TIMP2: variants seen among roughly 807,000 people sequenced by gnomAD.
The protein encoded by TIMP2 is metalloproteinase inhibitor 2.
In TIMP2, 5 loss-of-function variants were observed where a neutral mutation model predicts 24.3. That is an observed-to-expected ratio of 0.21 (90% confidence interval 0.11 to 0.43). The LOEUF is 0.43. TIMP2 is among the 20% of genes least tolerant of loss of function. The pLI, the probability that TIMP2 is intolerant of heterozygous loss-of-function variation, is 1.00. For synonymous variants in TIMP2, 130 were observed against 123.2 expected, an observed-to-expected ratio of 1.06 and a Z score of -0.37; for missense variants, 221 against 297.5, an observed-to-expected ratio of 0.74 and a Z score of 1.89.
At chr17:78,864,331 C>T (rs1237939695) in intron 3 of TIMP2, among the ~76,000 whole-genome samples, 4 of 151,278 alleles carry the variant, frequency 2.6e-5, no homozygotes, top group Non-Finnish European at 1.5e-5. Context: ...ACTCCCTTCA[C>T]TCCCTCCCTC....
intron 4 of TIMP2, chr17:78,856,142 T>C: frequency 2.1e-6 from 1 of 485,372 alleles, no homozygotes; most frequent in Non-Finnish European, 3.8e-6. Context: ...CATGACAGAA[T>C]GGCCTCAGCT....
intron 1 of TIMP2, among the ~76,000 whole-genome samples, chr17:78,885,509 C>T (rs1230324505): frequency 6.6e-6 from 1 of 152,202 alleles, no homozygotes; most frequent in Non-Finnish European, 1.5e-5. Flanking sequence ...GAAGGCTGGG[C>T]AAGGGCTGGG....
At chr17:78,895,052 G>C (rs1157882134) in intron 1 of TIMP2, among the ~76,000 whole-genome samples, 1 of 152,124 alleles carries the variant, frequency 6.6e-6, no homozygotes, top group Admixed American at 6.5e-5. Flanking sequence ...AGGCTGAGGC[G>C]GGCGGATCAC....
At chr17:78,918,833 T>C (rs1385544590) in intron 1 of TIMP2, among the ~76,000 whole-genome samples, 1 of 151,960 alleles carries the variant, frequency 6.6e-6, no homozygotes, top group Non-Finnish European at 1.5e-5. Context: ...ACCCCATCTC[T>C]ACAAAAAATT....
In TIMP2 at chr17:78,896,378, G is replaced by A. The variant is rs997063142; in HGVS notation, c.131-22459C>T. On this transcript the variant is annotated intron_variant, in intron 1 of 4. Coordinates refer to ENST00000262768, the MANE Select transcript of TIMP2 (RefSeq NM_003255.5). This position sits in a 1 kb window ranked among gnomAD's most constrained non-coding sequence, Gnocchi z 4.4. The stretch of plus-strand genomic sequence containing the variant: ...CAGGCTGATCTCCAGGCAGCCCAGT[G>A]TCTCTCCAGCCCTGCCAGACAGGAC... Among the ~76,000 whole-genome samples the A allele has an allele frequency of 1.3e-5, 2 of 152,202 alleles. No homozygotes were observed. The highest frequency in any genetic ancestry group is 1.3e-4 in the Admixed American group (2 of 15,276).
intron 1 of TIMP2, among the ~76,000 whole-genome samples, chr17:78,884,990 G>T (rs577518656): frequency 1.3e-5 from 2 of 152,300 alleles, no homozygotes; most frequent in African/African-American, 2.4e-5. Context: ...CCAGCAGGTT[G>T]GGGGGGAGCA....
At chr17:78,921,477 C>T (rs1356420293) in intron 1 of TIMP2, among the ~76,000 whole-genome samples, 3 of 152,156 alleles carry the variant, frequency 2.0e-5, no homozygotes, top group Non-Finnish European at 4.4e-5. Flanking sequence ...CCCTTGAGTC[C>T]AGAAACGGGC....
intron 1 of TIMP2, among the ~76,000 whole-genome samples, chr17:78,921,345 G>A (rs2070307339): frequency 6.6e-6 from 1 of 152,220 alleles, no homozygotes; most frequent in Non-Finnish European, 1.5e-5. Context: ...GTTTCTGGAG[G>A]TGGGAACATG....
chr17:78,869,042 C>G (rs2069644352), intron 3 of TIMP2, among the ~76,000 whole-genome samples: 1 of 152,228 alleles, frequency 6.6e-6, no homozygotes, highest in East Asian at 1.9e-4. Flanking sequence ...GATTGAGAAT[C>G]CTGTCCTGGC....
At chr17:78,866,054 G>A (rs1223228957) in intron 3 of TIMP2, among the ~76,000 whole-genome samples, 4 of 152,212 alleles carry the variant, frequency 2.6e-5, no homozygotes, top group Admixed American at 2.6e-4. Context: ...CACCACGGGG[G>A]ATTCTGTCTC....
chr17:78,892,216 T>A (rs1184230159), intron 1 of TIMP2: 10 of 1,551,022 alleles, frequency 6.4e-6, no homozygotes, highest in African/African-American at 2.7e-5. Context: ...TGGCATCCGC[T>A]CTTCTCTGCA....
chr17:78,857,910 A>T (rs941256940), intron 3 of TIMP2, among the ~76,000 whole-genome samples: 3 of 151,760 alleles, frequency 2.0e-5, no homozygotes, highest in Non-Finnish European at 2.9e-5. Context: ...TCTCTACTAA[A>T]ATACAAAAAA....
At chr17:78,875,125 G>A (rs1264438782) in intron 1 of TIMP2, among the ~76,000 whole-genome samples, 1 of 152,176 alleles carries the variant, frequency 6.6e-6, no homozygotes, top group East Asian at 1.9e-4. Flanking sequence ...TGATCCACCT[G>A]CTTCGGCCTC....
chr17:78,921,680 A>G (rs2070309596), intron 1 of TIMP2, among the ~76,000 whole-genome samples: 1 of 152,174 alleles, frequency 6.6e-6, no homozygotes, highest in African/African-American at 2.4e-5. Context: ...TGTAACTGAG[A>G]CACAAAATGC....
chr17:78,875,198 C>A (rs1162950678), intron 1 of TIMP2, among the ~76,000 whole-genome samples: 3 of 152,130 alleles, frequency 2.0e-5, no homozygotes, highest in Admixed American at 1.3e-4. Flanking sequence ...TTTACAGTAA[C>A]ACAGAGTCTA....
At chr17:78,918,761 G>A (rs1053225926) in intron 1 of TIMP2, among the ~76,000 whole-genome samples, 16 of 152,154 alleles carry the variant, frequency 1.1e-4, no homozygotes, top group African/African-American at 3.9e-4. Flanking sequence ...CACTTTGGGA[G>A]GCCAAGGTGG....
rs373299809 is a variant in TIMP2, at chr17:78,869,764, G to A, written c.340+1134C>T. Among the ~76,000 whole-genome samples the A allele has an allele frequency of 6.6e-5, 10 of 152,096 alleles. No individual in the cohort carries two copies. In the East Asian group the frequency reaches 1.6e-3, roughly 24 times the overall value. On this transcript the variant is annotated intron_variant, in intron 3 of 4. Coordinates refer to ENST00000262768, the MANE Select transcript of TIMP2 (RefSeq NM_003255.5). ...TGGGAAGCGGAGGTTGCAGTGAGCC[G>A]AGATAGTGCCATTGCACCCCAGCCT... is the stretch of plus-strand genomic sequence containing the variant.
chr17:78,876,422 G>A lies in TIMP2; in HGVS notation c.131-2503C>T, dbSNP rs143176961. On this transcript the variant is annotated intron_variant, in intron 1 of 4. Coordinates refer to ENST00000262768, the MANE Select transcript of TIMP2 (RefSeq NM_003255.5). The stretch of plus-strand genomic sequence containing the variant: ...CCCTGCTAGGCTGGAGTGCAGTGGC[G>A]CAATCTCAGCCATCTCCCAGGTTCA... 1.6e-4 allele frequency among the ~76,000 whole-genome samples: 24 copies of A among 151,994 alleles called. No individual in the cohort carries two copies. The East Asian group carries it at 3.1e-3, about 20-fold the overall frequency.
At chr17:78,906,915 A>C (rs1002871135) in intron 1 of TIMP2, among the ~76,000 whole-genome samples, 31 of 151,962 alleles carry the variant, frequency 2.0e-4, no homozygotes, top group Non-Finnish European at 3.1e-4. Flanking sequence ...TTGTGTGATC[A>C]CCTGGAGTAG....
Sources: allele counts gnomAD v4.1 joint callset (sites outside exome capture counted in the v4.1 genomes callset), GRCh38; gene constraint gnomAD v4.1.1; non-coding constraint Gnocchi (gnomAD v3.1); transcripts MANE v1.5; gene names NCBI Gene and HGNC (gene_info 2026-07-23, HGNC 2026-07-21).